NT5C1A: variants seen among roughly 807,000 people sequenced by gnomAD.
NT5C1A encodes cytosolic 5'-nucleotidase 1A.
Under a neutral mutation model 31.0 loss-of-function variants are expected in NT5C1A, and 18 were observed. That is an observed-to-expected ratio of 0.58 (90% CI 0.40 to 0.86). The LOEUF is 0.86. Among genes scored for constraint, NT5C1A ranks in the 40% least tolerant of loss-of-function variants. NT5C1A has a pLI of 0.00. For missense variants in NT5C1A, 470 were observed against 505.4 expected (o/e 0.93, Z 0.67); for synonymous variants, 185 against 203.6 (o/e 0.91, Z 0.78).
In NT5C1A at chr1:39,659,003, A is replaced by T. The variant is rs1302539879; in HGVS notation, c.*118T>A. ...TCCTACAAGTACATCACTCATAGGG[A>T]TGAGGGCAGACAGGCAGAAGGACAG... On this transcript the variant is annotated 3_prime_UTR_variant, in exon 6 of 6. Coordinates refer to ENST00000235628, the MANE Select transcript of NT5C1A (RefSeq NM_032526.3). 1 of 1,350,706 alleles carries T rather than the reference A, an allele frequency of 7.4e-7. No homozygotes were observed. Among genetic ancestry groups the T allele is most frequent in the African/African-American group, 1.5e-5 (1 of 68,706 alleles). 83.7% of individuals were successfully genotyped at this position (1,350,706 alleles called of 1,614,324 possible).
At chr1:39,660,743 GGT>G (rs1429349513) in intron 5 of NT5C1A, among the ~76,000 whole-genome samples, 1 of 152,112 alleles carries the variant, frequency 6.6e-6, no homozygotes, top group Non-Finnish European at 1.5e-5. Context: ...TCAGAGAAGA[GGT>G]GGGGACATAG....
rs1379026131 is a variant in NT5C1A at position 39,653,020 on chromosome 1, G to A, written c.*6101C>T. On this transcript the variant is annotated 3_prime_UTR_variant, in exon 6 of 6. Transcript: ENST00000235628. ...CTACCCATGTCACAATACCAATGGCGCCCTCTAGATTTTTGCAGTGCACAA... is the reference window on the plus strand; with the variant it reads ...CTACCCATGTCACAATACCAATGGCACCCTCTAGATTTTTGCAGTGCACAA... Among the ~76,000 whole-genome samples, 2 of 152,152 alleles carry A rather than the reference G, an allele frequency of 1.3e-5. No individual in the cohort carries two copies. Among genetic ancestry groups the A allele is most frequent in the East Asian group, 1.9e-4 (1 of 5,190 alleles).
intron 4 of NT5C1A, among the ~76,000 whole-genome samples, chr1:39,662,683 C>G (rs951428635): frequency 2.0e-5 from 3 of 152,228 alleles, no homozygotes; most frequent in Admixed American, 6.5e-5. Flanking sequence ...CTGGCCAGTC[C>G]TTGCTCCTCT....
At position 39,666,200 on chromosome 1, in the gene NT5C1A, A is replaced by G. The variant is rs1350811323; in HGVS notation, c.172T>C (p.Ser58Pro). 6 of 1,613,386 alleles carry G rather than the reference A, an allele frequency of 3.7e-6. No homozygotes were observed. The highest frequency in any genetic ancestry group is 5.1e-6 in the Non-Finnish European group (6 of 1,179,966). ...TCGTCCATGCGAAACAAGGCTCGGG[A>G]GGACACAGCGATGGTGACTGCATTC... ...PQNAVTIAVS[S>P]RALFRMDEEQ... is the part of the protein sequence containing the mutation. Residue 58 changes from serine to proline, a missense_variant, in exon 2 of 6, where the codon TCC becomes CCC. Ser to Pro is a moderately conservative substitution (Grantham distance 74). Transcript: ENST00000235628.
At chr1:39,668,795 T>C (rs1006871207) in intron 1 of NT5C1A, among the ~76,000 whole-genome samples, 3 of 152,178 alleles carry the variant, frequency 2.0e-5, no homozygotes, top group East Asian at 1.9e-4. Context: ...CCCAGCAGAA[T>C]GGGGGTCCCA....
At chr1:39,666,991 G>C (rs1465098226) in intron 1 of NT5C1A, among the ~76,000 whole-genome samples, 1 of 152,150 alleles carries the variant, frequency 6.6e-6, no homozygotes, top group Non-Finnish European at 1.5e-5. Context: ...TCATGCTGCT[G>C]TCAGGGGATT....
In NT5C1A at chr1:39,661,520, G is replaced by T. The variant is rs536019768; in HGVS notation, c.557-257C>A. Among the ~76,000 whole-genome samples, 4 of 152,328 alleles carry T rather than the reference G, an allele frequency of 2.6e-5. No individual in the cohort carries two copies. The East Asian group carries it at 7.7e-4, about 29-fold the overall frequency. ...CTGTTGGTTATTGCTTTGTGGAAAA[G>T]TCTGGGAGGAGTCCCAGGGGGCAGG... On this transcript the variant is annotated intron_variant, in intron 4 of 5. Coordinates refer to ENST00000235628, the MANE Select transcript of NT5C1A (RefSeq NM_032526.3).
At chr1:39,660,755 G>C (rs954372540) in intron 5 of NT5C1A, among the ~76,000 whole-genome samples, 4 of 152,116 alleles carry the variant, frequency 2.6e-5, no homozygotes, top group Admixed American at 1.3e-4. Context: ...TGGGGACATA[G>C]AGAATGGGGA....
chr1:39,664,979 G>T (rs1308784348), intron 3 of NT5C1A, among the ~76,000 whole-genome samples: 1 of 152,086 alleles, frequency 6.6e-6, no homozygotes, highest in African/African-American at 2.4e-5. Context: ...TTTATTTCCT[G>T]CCCTCTGAAA....
chr1:39,655,003 G>A lies in NT5C1A; in HGVS notation c.*4118C>T, dbSNP rs957800734. Among the ~76,000 whole-genome samples, 24 of 151,974 alleles carry A rather than the reference G, an allele frequency of 1.6e-4. No homozygotes were observed. The highest frequency in any genetic ancestry group is 2.4e-5 in the African/African-American group (1 of 41,360). ...TGATGCCAGGCTGGAGTGCAGTGGCGTGATCTCGGTTCACTGCAACCTCCG... is the reference window on the plus strand; with the variant it reads ...TGATGCCAGGCTGGAGTGCAGTGGCATGATCTCGGTTCACTGCAACCTCCG... On this transcript the variant is annotated 3_prime_UTR_variant, in exon 6 of 6. Transcript: ENST00000235628.
chr1:39,666,318 T>C, intron 1 of NT5C1A, 82 bp from the exon 2 acceptor site: 2 of 1,402,722 alleles, frequency 1.4e-6, no homozygotes, highest in Non-Finnish European at 2.0e-6. Context: ...CCCTGGGTAG[T>C]GAGGACATGG....
intron 5 of NT5C1A, among the ~76,000 whole-genome samples, chr1:39,660,033 G>A (rs1379980620): frequency 6.6e-6 from 1 of 152,132 alleles, no homozygotes; most frequent in Non-Finnish European, 1.5e-5. Flanking sequence ...CTGAGGATGT[G>A]AGAATAAAAA....
At chr1:39,663,589 C>G (rs1299147973) in intron 3 of NT5C1A, among the ~76,000 whole-genome samples, 155 bp from the exon 4 acceptor site, 1 of 152,168 alleles carries the variant, frequency 6.6e-6, no homozygotes, top group Non-Finnish European at 1.5e-5. Context: ...CCCTCTGAGC[C>G]CCTCCATCCT....
chr1:39,665,321 T>C (rs12406284), intron 3 of NT5C1A, among the ~76,000 whole-genome samples, 200 bp downstream of exon 3: 7,803 of 152,252 alleles, frequency 0.051, 358 homozygotes, highest in East Asian at 0.24. Flanking sequence ...CCAGTCCTGG[T>C]GGAAATATTT....
rs1280945869 is a variant in NT5C1A at position 39,659,317 on chromosome 1, T to C, written c.911A>G (p.Asp304Gly). 6.2e-7 allele frequency: 1 copy of C among 1,614,036 alleles called. No individual in the cohort carries two copies. The highest frequency in any genetic ancestry group is 1.1e-5 in the South Asian group (1 of 91,086). The change falls in exon 6 of 6, where the codon GAT becomes GGT. Residue 304 changes from aspartate (D) to glycine (G), a missense_variant. By Grantham distance (94) the Asp-to-Gly change is moderately conservative. Transcript: ENST00000235628. The stretch of plus-strand genomic sequence containing the variant: ...CGCTCCAGCAAGGAACAAGGCTTCA[T>C]CTGTCTCCAGGCCCCAGCTGCGCAG... ...KTLRSWGLET[D>G]EALFLAGAPK...
chr1:39,669,816 G>A (rs1646541114), intron 1 of NT5C1A, among the ~76,000 whole-genome samples: 1 of 152,194 alleles, frequency 6.6e-6, no homozygotes, highest in African/African-American at 2.4e-5. Flanking sequence ...AGAGGCACCA[G>A]CCTTCTCACT....
intron 1 of NT5C1A, among the ~76,000 whole-genome samples, chr1:39,669,511 A>T (rs1646539293): frequency 6.6e-6 from 1 of 152,176 alleles, no homozygotes; most frequent in Admixed American, 6.5e-5. Context: ...CCAGGCCATG[A>T]TGGGGCCCAT....
rs1362800288 is a variant in NT5C1A, at chr1:39,652,958, T to C, written c.*6163A>G. Among the ~76,000 whole-genome samples, 1 of 152,040 alleles carries C rather than the reference T, an allele frequency of 6.6e-6. No individual in the cohort carries two copies. The highest frequency in any genetic ancestry group is 2.4e-5 in the African/African-American group (1 of 41,392). On this transcript the variant is annotated 3_prime_UTR_variant, in exon 6 of 6. Coordinates refer to ENST00000235628, the MANE Select transcript of NT5C1A (RefSeq NM_032526.3). ...GGCCATGAGATGACCAGGGCATCTG[T>C]ATACAGTTGGCAGGTTGTGCAGGTG...
In NT5C1A at chr1:39,672,053, C is replaced by A. The variant is rs1646555720; in HGVS notation, c.-15G>T. ...CCAGGTTCCATGCTCCGGCTCTGAC[C>A]CGGCCCGGCCAGAGCAGGCGGCGGC... On this transcript the variant is annotated 5_prime_UTR_variant, in exon 1 of 6. Transcript: ENST00000235628. 6.4e-7 allele frequency: 1 copy of A among 1,573,966 alleles called. No individual in the cohort carries two copies. Among genetic ancestry groups the A allele is most frequent in the African/African-American group, 1.4e-5 (1 of 72,564 alleles).
Sources: allele counts gnomAD v4.1 joint callset (sites outside exome capture counted in the v4.1 genomes callset), GRCh38; gene constraint gnomAD v4.1.1; transcripts MANE v1.5; gene names NCBI Gene and HGNC (gene_info 2026-07-23, HGNC 2026-07-21).